The following CCSER1 variants were observed in gnomAD, a reference collection of about 807,000 sequenced individuals.
The protein encoded by CCSER1 is serine-rich coiled-coil domain-containing protein 1.
CCSER1 carries 41 observed loss-of-function variants against 82.0 expected under a neutral mutation model. That is an observed-to-expected ratio of 0.50 (90% CI 0.39 to 0.65). The LOEUF (loss-of-function observed/expected upper bound fraction) is 0.65, where lower values mean the gene tolerates loss of function less well. Ranked by LOEUF, CCSER1 falls within the 30% of genes least tolerant of loss-of-function variation. The probability of loss-of-function intolerance (pLI) is 0.00; values close to 1 mark genes in which losing one functional copy is unlikely to be tolerated. For missense variants in CCSER1, 1,119 were observed against 1,064.2 expected (o/e 1.05, Z -0.72); for synonymous variants, 414 against 383.9 (o/e 1.08, Z -0.92).
At chr4:91,546,978 T>TC (rs1761924898) in intron 10 of CCSER1, among the ~76,000 whole-genome samples, 1 of 151,154 alleles carries the variant, frequency 6.6e-6, no homozygotes. Context: ...TTTTCTTTTT[T>TC]TTTTTTTTTC....
chr4:91,164,905 T>C (rs1731864269), intron 10 of CCSER1, among the ~76,000 whole-genome samples: 1 of 152,208 alleles, frequency 6.6e-6, no homozygotes, highest in Non-Finnish European at 1.5e-5. Flanking sequence ...AAGTTTGTTA[T>C]TACCGACCTT....
At chr4:91,349,963 G>C (rs1170461374) in intron 10 of CCSER1, among the ~76,000 whole-genome samples, 1 of 152,050 alleles carries the variant, frequency 6.6e-6, no homozygotes, top group Non-Finnish European at 1.5e-5. Flanking sequence ...ATTTTAGGGA[G>C]CAATATATTG....
intron 4 of CCSER1, among the ~76,000 whole-genome samples, chr4:90,432,703 A>G (rs1758458254): frequency 1.3e-5 from 2 of 151,548 alleles, no homozygotes; most frequent in African/African-American, 2.4e-5. Flanking sequence ...AATCCTCCCC[A>G]CTCAGTCTCC....
chr4:90,333,667 CA>C (rs1051507201), intron 3 of CCSER1, among the ~76,000 whole-genome samples: 9 of 152,004 alleles, frequency 5.9e-5, no homozygotes, highest in Non-Finnish European at 1.3e-4. Context: ...GTGTAATTTT[CA>C]AAAGTTTAAA....
intron 6 of CCSER1, among the ~76,000 whole-genome samples, chr4:90,700,124 C>A (rs1218156649): frequency 6.6e-6 from 1 of 151,994 alleles, no homozygotes; most frequent in Non-Finnish European, 1.5e-5. Flanking sequence ...TCTCCTAATG[C>A]TATCCCTCCC....
chr4:90,993,171 G>C (rs1003737322), intron 9 of CCSER1, among the ~76,000 whole-genome samples: 1 of 152,006 alleles, frequency 6.6e-6, no homozygotes, highest in Non-Finnish European at 1.5e-5. Context: ...ACTTTCTTTT[G>C]ATATTTTGAT....
At chr4:90,191,664 G>C (rs7698120) in intron 1 of CCSER1, among the ~76,000 whole-genome samples, 1 of 151,768 alleles carries the variant, frequency 6.6e-6, no homozygotes, top group East Asian at 1.9e-4. Flanking sequence ...ATAGTGAGAG[G>C]GGCTGATAGT....
intron 10 of CCSER1, among the ~76,000 whole-genome samples, chr4:91,185,149 G>C (rs1045988101): frequency 1.6e-4 from 25 of 152,054 alleles, no homozygotes; most frequent in African/African-American, 5.8e-4. Context: ...GCACAGGTAG[G>C]GTGTTTATCA....
At position 90,831,383 on chromosome 4, in the gene CCSER1, G is replaced by C. The variant is rs541730594; in HGVS notation, c.2094+15538G>C. Among the ~76,000 whole-genome samples, 4 of 152,178 alleles carry C rather than the reference G, an allele frequency of 2.6e-5. No homozygotes were observed. The East Asian group carries it at 7.7e-4, about 29-fold the overall frequency. ...TATCTTGTTATAATCTGTCATTTAA[G>C]AAAACTGTATCATTATATAATTTCT... On this transcript the variant is annotated intron_variant, in intron 8 of 10. Coordinates refer to ENST00000509176, the MANE Select transcript of CCSER1 (RefSeq NM_001145065.2).
chr4:90,358,569 C>T (rs1038432374), intron 3 of CCSER1, among the ~76,000 whole-genome samples: 2 of 152,036 alleles, frequency 1.3e-5, no homozygotes, highest in Admixed American at 6.6e-5. Flanking sequence ...ATCTTAAATA[C>T]ATTTTATTAG....
At chr4:90,191,787 G>A (rs1018004171) in intron 1 of CCSER1, among the ~76,000 whole-genome samples, 10 of 151,988 alleles carry the variant, frequency 6.6e-5, no homozygotes, top group East Asian at 3.9e-4. Flanking sequence ...AGAAATCTAC[G>A]TTTTCCTTGA....
intron 10 of CCSER1, among the ~76,000 whole-genome samples, chr4:91,584,152 C>T (rs1310989485): frequency 2.0e-5 from 3 of 151,330 alleles, no homozygotes; most frequent in Middle Eastern, 6.3e-3. Flanking sequence ...CTACTAAATG[C>T]CAGAACCAGA....
At chr4:91,333,455 T>C (rs1747096841) in intron 10 of CCSER1, among the ~76,000 whole-genome samples, 2 of 152,198 alleles carry the variant, frequency 1.3e-5, no homozygotes, top group South Asian at 4.1e-4. Flanking sequence ...GCAAGAATCA[T>C]GTTGCCCATC....
intron 10 of CCSER1, among the ~76,000 whole-genome samples, chr4:91,337,027 T>A (rs563752054): frequency 1.3e-5 from 2 of 152,226 alleles, no homozygotes; most frequent in South Asian, 4.1e-4. Context: ...ACCTTTTTCA[T>A]ATAAATGCTT....
intron 10 of CCSER1, among the ~76,000 whole-genome samples, chr4:91,520,036 T>G (rs2110137669): frequency 6.6e-6 from 1 of 152,338 alleles, no homozygotes; most frequent in African/African-American, 2.4e-5. Flanking sequence ...AGGTGAGATT[T>G]ATTTCTGCCA....
chr4:90,741,602 G>C (rs1254465504), intron 7 of CCSER1, among the ~76,000 whole-genome samples: 5 of 152,102 alleles, frequency 3.3e-5, no homozygotes, highest in African/African-American at 4.8e-5. Flanking sequence ...CTCATGTATA[G>C]CACTTCAGTG....
intron 3 of CCSER1, among the ~76,000 whole-genome samples, chr4:90,352,445 C>T (rs1003232900): frequency 2.6e-5 from 4 of 152,128 alleles, no homozygotes; most frequent in African/African-American, 7.2e-5. Context: ...GGGCGGATCA[C>T]CTGAGGTCAG....
At chr4:91,058,976 CTT>C (rs1050308294) in intron 9 of CCSER1, among the ~76,000 whole-genome samples, 1 of 151,900 alleles carries the variant, frequency 6.6e-6, no homozygotes, top group Non-Finnish European at 1.5e-5. Context: ...TTCTTACAGT[CTT>C]TTTCTCCCCA....
chr4:91,018,435 A>G (rs1173429237), intron 9 of CCSER1, among the ~76,000 whole-genome samples: 1 of 152,106 alleles, frequency 6.6e-6, no homozygotes, highest in Non-Finnish European at 1.5e-5. Flanking sequence ...TTTATCTGCA[A>G]TCTGGATTAT....
Sources: allele counts gnomAD v4.1 joint callset (sites outside exome capture counted in the v4.1 genomes callset), GRCh38; gene constraint gnomAD v4.1.1; transcripts MANE v1.5; gene names NCBI Gene and HGNC (gene_info 2026-07-23, HGNC 2026-07-21).